SNTG1: variants seen among roughly 807,000 people sequenced by gnomAD.
SNTG1 encodes gamma-1-syntrophin.
SNTG1 carries 39 observed loss-of-function variants against 74.7 expected under a neutral mutation model. The observed-to-expected ratio is 0.52, with a 90% CI of 0.40 to 0.68. The LOEUF (loss-of-function observed/expected upper bound fraction) is 0.68. SNTG1 is among the 30% of genes least tolerant of loss of function. The pLI is 0.00. For synonymous variants in SNTG1, 254 were observed against 217.1 expected (o/e 1.17, Z -1.49); for missense variants, 685 against 609.5 (o/e 1.12, Z -1.30).
intron 15 of SNTG1, among the ~76,000 whole-genome samples, chr8:50,685,744 T>C (rs117094992): frequency 6.6e-6 from 1 of 152,218 alleles, no homozygotes; most frequent in Non-Finnish European, 1.5e-5. Context: ...CAGACACTTT[T>C]GTGGGCACAC....
intron 8 of SNTG1, among the ~76,000 whole-genome samples, 168 bp downstream of exon 8, chr8:50,450,897 A>G (rs1437505726): frequency 6.6e-6 from 1 of 152,184 alleles, no homozygotes; most frequent in Non-Finnish European, 1.5e-5. Flanking sequence ...AAATAGATTA[A>G]CGAGTCCTAT....
Position 50,223,127 on chromosome 8 carries a change from T to A in SNTG1, c.-28+50492T>A, listed in dbSNP as rs999796488. On this transcript the variant is annotated intron_variant, in intron 2 of 18. Coordinates refer to ENST00000642720, the MANE Select transcript of SNTG1 (RefSeq NM_018967.5). ...CAAAATAAAACAAGCAATCTAAGTA[T>A]TAAAGAATTCAAAGATATATCAAGG... Among the ~76,000 whole-genome samples the A allele has an allele frequency of 6.6e-5, 10 of 152,148 alleles. 2 individuals carry two copies. The highest frequency in any genetic ancestry group is 1.2e-4 in the Non-Finnish European group (8 of 68,002).
intron 2 of SNTG1, among the ~76,000 whole-genome samples, chr8:50,209,038 C>G (rs977658235): frequency 7.9e-5 from 12 of 152,130 alleles, no homozygotes; most frequent in African/African-American, 2.9e-4. Flanking sequence ...CACCACTTTT[C>G]CAACAGTCTT....
chr8:50,249,916 CAA>C (rs2086570569), intron 2 of SNTG1, among the ~76,000 whole-genome samples: 2 of 151,254 alleles, frequency 1.3e-5, no homozygotes, highest in African/African-American at 4.9e-5. Context: ...AACAAAAAAG[CAA>C]AAAATATAAC....
At position 49,924,332 on chromosome 8, in the gene SNTG1, G is replaced by C. The variant is rs58525609; in HGVS notation, c.-103+12101G>C. 1.5e-3 allele frequency among the ~76,000 whole-genome samples: 232 copies of C among 152,264 alleles called. 1 individual carries two copies. Among genetic ancestry groups the C allele is most frequent in the African/African-American group, 5.4e-3 (225 of 41,546 alleles). On this transcript the variant is annotated intron_variant, in intron 1 of 18. Coordinates refer to ENST00000642720, the MANE Select transcript of SNTG1 (RefSeq NM_018967.5). ...ATCTGTGTTCAACACTTGCTTTGCT[G>C]GCATTACCACAACTAAATTTCAATG...
intron 5 of SNTG1, among the ~76,000 whole-genome samples, chr8:50,445,088 C>G (rs987980783): frequency 1.3e-5 from 2 of 152,152 alleles, no homozygotes; most frequent in African/African-American, 4.8e-5. Flanking sequence ...TGAGCAATGA[C>G]CATTTCCCTA....
chr8:50,509,282 C>T (rs185349384), intron 9 of SNTG1, among the ~76,000 whole-genome samples: 4 of 152,236 alleles, frequency 2.6e-5, no homozygotes, highest in Admixed American at 2.6e-4. Flanking sequence ...TGGTCTCTAT[C>T]TCTGTTTTGG....
At chr8:50,534,380 C>T (rs1164074639) in intron 10 of SNTG1, among the ~76,000 whole-genome samples, 1 of 152,158 alleles carries the variant, frequency 6.6e-6, no homozygotes, top group Non-Finnish European at 1.5e-5. Flanking sequence ...TCCCTGTGGA[C>T]ATCTCTGGCC....
intron 1 of SNTG1, among the ~76,000 whole-genome samples, chr8:50,141,508 T>C (rs1313136290): frequency 3.9e-5 from 6 of 152,172 alleles, no homozygotes; most frequent in Non-Finnish European, 5.9e-5. Context: ...CAATGAGAGA[T>C]ATGAATATGT....
intron 15 of SNTG1, among the ~76,000 whole-genome samples, chr8:50,700,920 A>G (rs2095421378): frequency 6.6e-6 from 1 of 152,172 alleles, no homozygotes; most frequent in African/African-American, 2.4e-5. Context: ...TGCAGAGTTG[A>G]TTAGAGGATG....
intron 8 of SNTG1, among the ~76,000 whole-genome samples, chr8:50,486,563 G>C (rs1027087416): frequency 7.8e-6 from 1 of 128,230 alleles, no homozygotes; most frequent in African/African-American, 2.8e-5. Flanking sequence ...GAGACAATGG[G>C]GTTTTCTAGA....
intron 2 of SNTG1, among the ~76,000 whole-genome samples, chr8:50,307,497 T>C (rs1359017122): frequency 6.6e-6 from 1 of 152,128 alleles, no homozygotes; most frequent in Admixed American, 6.6e-5. Context: ...TTTCAAGGAA[T>C]TTTCTATTTT....
At chr8:50,141,333 C>T (rs1264274562) in intron 1 of SNTG1, among the ~76,000 whole-genome samples, 2 of 152,142 alleles carry the variant, frequency 1.3e-5, no homozygotes, top group African/African-American at 4.8e-5. Context: ...TTCATCCTTG[C>T]CAACCCTTAG....
chr8:50,171,550 A>G (rs1373122182), intron 1 of SNTG1, among the ~76,000 whole-genome samples: 2 of 152,158 alleles, frequency 1.3e-5, no homozygotes, highest in East Asian at 3.9e-4. Flanking sequence ...CTCAAATGTT[A>G]ATCTACTTTG....
intron 8 of SNTG1, among the ~76,000 whole-genome samples, chr8:50,480,144 G>A (rs1207263678): frequency 1.3e-5 from 2 of 151,982 alleles, no homozygotes; most frequent in Non-Finnish European, 2.9e-5. Flanking sequence ...AACATCTCAA[G>A]GGTTTTGCTG....
intron 1 of SNTG1, among the ~76,000 whole-genome samples, chr8:50,160,579 A>G (rs2082384766): frequency 6.6e-6 from 1 of 152,186 alleles, no homozygotes; most frequent in African/African-American, 2.4e-5. Flanking sequence ...TGTGAATGAA[A>G]TGTAAATAAA....
chr8:50,612,426 T>G (rs2094857173), intron 13 of SNTG1, among the ~76,000 whole-genome samples: 1 of 152,206 alleles, frequency 6.6e-6, no homozygotes, highest in South Asian at 2.1e-4. Context: ...TCTAAATTTC[T>G]CTTCATAATA....
intron 11 of SNTG1, among the ~76,000 whole-genome samples, chr8:50,541,710 A>G (rs1006381337): frequency 2.0e-5 from 3 of 152,082 alleles, no homozygotes; most frequent in African/African-American, 7.2e-5. Context: ...TATACAATAG[A>G]TTATTATAAA....
chr8:50,658,893 A>G (rs1466086005), intron 15 of SNTG1, among the ~76,000 whole-genome samples: 2 of 152,222 alleles, frequency 1.3e-5, no homozygotes, highest in Admixed American at 6.6e-5. Context: ...CAGACTCTGC[A>G]GTCCCACCGT....
Sources: gnomAD v4.1 joint callset for allele counts (sites outside exome capture counted in the v4.1 genomes callset) on GRCh38, gnomAD v4.1.1 for gene constraint, MANE v1.5 for transcripts, NCBI Gene and HGNC (gene_info 2026-07-23, HGNC 2026-07-21) for gene names.